Variants in FBXL18 observed in about 807,000 individuals in gnomAD.
FBXL18 encodes F-box/LRR-repeat protein 18.
FBXL18 carries 36 observed loss-of-function variants against 46.0 expected under a neutral mutation model. The observed-to-expected ratio is 0.78, with a 90% confidence interval of 0.60 to 1.03. The LOEUF (loss-of-function observed/expected upper bound fraction) is 1.03, where lower values mean the gene tolerates loss of function less well. FBXL18 is among the 50% of genes least tolerant of loss of function. FBXL18 has a pLI of 0.00. For missense variants in FBXL18, 977 were observed against 1,004.1 expected (o/e 0.97, Z 0.36); for synonymous variants, 557 against 465.3 (o/e 1.20, Z -2.54).
At chr7:5,489,409 C>A in intron 4 of FBXL18, 1 of 484,956 alleles carries the variant, frequency 2.1e-6, no homozygotes, top group Non-Finnish European at 4.1e-6. Context: ...CTGAGGTAAG[C>A]GGATCACCTG....
chr7:5,501,492 A>G lies in FBXL18; in HGVS notation c.777T>C (p.Pro259=). ...AGATGAGGAAGGCGTGGAGGTTCTG[A>G]GGAGTGCGGTCGCTAAGCACAGCCA... ...LYLAVLSDRT[P]QNLHAFLISV... Residue 259 remains proline (P), a synonymous_variant, in exon 3 of 5, where the codon CCT becomes CCC. Coordinates refer to ENST00000382368, the MANE Select transcript of FBXL18 (RefSeq NM_024963.6). 6.2e-7 allele frequency: 1 copy of G among 1,613,850 alleles called. No homozygotes were observed. Among genetic ancestry groups the G allele is most frequent in the East Asian group, 2.2e-5 (1 of 44,878 alleles).
At chr7:5,485,138 C>T (rs1783740963) in intron 4 of FBXL18, among the ~76,000 whole-genome samples, 1 of 152,166 alleles carries the variant, frequency 6.6e-6, no homozygotes, top group Admixed American at 6.6e-5. Flanking sequence ...CTCTTCCACA[C>T]ACCCTGAGGG....
chr7:5,499,704 C>A (rs1342268440), intron 3 of FBXL18, among the ~76,000 whole-genome samples: 1 of 147,360 alleles, frequency 6.8e-6, no homozygotes, highest in East Asian at 2.0e-4. Context: ...GCACTCCAGC[C>A]TGGGTGTGTA....
rs1378479488 is a variant in FBXL18, at chr7:5,502,018, T to A, written c.251A>T (p.Lys84Ile). 1 of 1,596,288 alleles carries A rather than the reference T, an allele frequency of 6.3e-7. No homozygotes were observed. The highest frequency in any genetic ancestry group is 8.5e-7 in the Non-Finnish European group (1 of 1,171,392). Residue 84 changes from lysine (K) to isoleucine (I), a missense_variant, in exon 3 of 5, where the codon AAA becomes ATA. Physicochemically the swap from Lys to Ile is moderately radical, Grantham distance 102. Coordinates refer to ENST00000382368, the MANE Select transcript of FBXL18 (RefSeq NM_024963.6). ...GATCTCCTTCACCAGCTGCCTCACT[T>A]TGTCCTCGCTCGCCTGCGGGACAGA... ...LQKDYQASED[K>I]VRQLVKEIGR...
intron 3 of FBXL18, among the ~76,000 whole-genome samples, chr7:5,494,830 G>A (rs1294243861): frequency 6.6e-6 from 1 of 152,196 alleles, no homozygotes; most frequent in Non-Finnish European, 1.5e-5. Context: ...GCCCCAGATC[G>A]CCCCGAGCCT....
rs1234900085 is a variant in FBXL18, at chr7:5,481,774, C to T, written c.*1G>A. Reference sequence around the variant, plus strand: ...AGACCGATGGGCGGCGGCTCCGCCTCTCACCACCACAGGTTCGGCGGTTCC... The same window carrying T: ...AGACCGATGGGCGGCGGCTCCGCCTTTCACCACCACAGGTTCGGCGGTTCC... On this transcript the variant is annotated 3_prime_UTR_variant, in exon 5 of 5. Coordinates refer to ENST00000382368, the MANE Select transcript of FBXL18 (RefSeq NM_024963.6). The T allele has an allele frequency of 1.2e-6, 2 of 1,613,264 alleles. No individual in the cohort carries two copies. Among genetic ancestry groups the T allele is most frequent in the East Asian group, 2.2e-5 (1 of 44,900 alleles).
At chr7:5,465,756 G>A (rs1783332292) in intron 4 of FBXL18, among the ~76,000 whole-genome samples, 1 of 152,086 alleles carries the variant, frequency 6.6e-6, no homozygotes, top group Non-Finnish European at 1.5e-5. Flanking sequence ...TGAGTTCACT[G>A]GAAGCCCAAA....
chr7:5,491,288 A>G lies in FBXL18; in HGVS notation c.1943T>C (p.Leu648Pro), dbSNP rs752911360. Residue 648 changes from leucine to proline, a missense_variant, in exon 4 of 5, where the codon CTG becomes CCG. Physicochemically the swap from Leu to Pro is moderately conservative, Grantham distance 98 (BLOSUM62 -3). Transcript: ENST00000382368. ...ARCLQVVMCH[L>P]FTGESLATCK... ...GGTGGCGAGGGACTCCCCGGTGAAC[A>G]GGTGGCACATGACAACCTGCAGGCA... is the stretch of plus-strand genomic sequence containing the variant. 6.2e-7 allele frequency: 1 copy of G among 1,613,172 alleles called. No individual in the cohort carries two copies.
At chr7:5,489,057 G>T (rs759316907) in intron 4 of FBXL18, 1 of 305,432 alleles carries the variant, frequency 3.3e-6, no homozygotes, top group African/African-American at 2.2e-5. Flanking sequence ...TGCCCCCCTG[G>T]TTCCACCGCA....
chr7:5,511,644 T>G (rs1584250167), intron 1 of FBXL18, among the ~76,000 whole-genome samples: 1 of 148,544 alleles, frequency 6.7e-6, no homozygotes. Flanking sequence ...GGTGGGCGCC[T>G]GTAGTCCCAG....
At position 5,513,684 on chromosome 7, in the gene FBXL18, G is replaced by A; in HGVS notation, c.-10C>T. 1 of 1,604,714 alleles carries A rather than the reference G, an allele frequency of 6.2e-7. No homozygotes were observed. The highest frequency in any genetic ancestry group is 8.5e-7 in the Non-Finnish European group (1 of 1,175,898). ...CTCCGGAGCTGGCCATGTCGCCGGC[G>A]GGTCCGAACCGCGGCCGCGGGATCC... On this transcript the variant is annotated 5_prime_UTR_variant, in exon 1 of 5. Coordinates refer to ENST00000382368, the MANE Select transcript of FBXL18 (RefSeq NM_024963.6).
chr7:5,495,524 G>A (rs1262582330), intron 3 of FBXL18, among the ~76,000 whole-genome samples: 3 of 152,276 alleles, frequency 2.0e-5, no homozygotes, highest in East Asian at 3.9e-4. Context: ...CAGCCAGAGC[G>A]ACTCCTTCCT....
chr7:5,495,077 G>T (rs182938959), intron 3 of FBXL18, among the ~76,000 whole-genome samples: 2 of 152,250 alleles, frequency 1.3e-5, no homozygotes, highest in East Asian at 3.9e-4. Flanking sequence ...GACCTGACTC[G>T]AGTGACCGGC....
chr7:5,501,686 C>A lies in FBXL18; in HGVS notation c.583G>T (p.Glu195Ter). ...YGVVPCCTSL[E>*]KLLLYFEILD... Reference sequence around the variant, plus strand: ...ATCTCGAAGTAGAGCAGCAGCTTCTCTAGGCTGGTGCAGCAGGGCACCACG... The same window carrying A: ...ATCTCGAAGTAGAGCAGCAGCTTCTATAGGCTGGTGCAGCAGGGCACCACG... Residue 195 changes from glutamate to a stop codon, truncating the protein, a stop_gained, in exon 3 of 5, where the codon GAG becomes TAG. Transcript: ENST00000382368. LOFTEE classifies it high-confidence loss of function. The A allele has an allele frequency of 6.2e-7, 1 of 1,605,928 alleles. No individual in the cohort carries two copies. The highest frequency in any genetic ancestry group is 1.1e-5 in the South Asian group (1 of 90,098).
intron 4 of FBXL18, among the ~76,000 whole-genome samples, chr7:5,467,520 T>C (rs909859886): frequency 6.7e-6 from 1 of 149,878 alleles, no homozygotes; most frequent in African/African-American, 2.5e-5. Flanking sequence ...CACCCCAGCC[T>C]GGGAGGCAGA....
chr7:5,465,819 ATTT>A (rs763542928), intron 4 of FBXL18, among the ~76,000 whole-genome samples: 1 of 142,212 alleles, frequency 7.0e-6, no homozygotes, highest in Non-Finnish European at 1.6e-5. Context: ...TACCTCCTAA[ATTT>A]TTTTTTTTTT....
intron 4 of FBXL18, among the ~76,000 whole-genome samples, chr7:5,486,795 G>C (rs979756841): frequency 6.6e-6 from 1 of 152,266 alleles, no homozygotes; most frequent in African/African-American, 2.4e-5. Flanking sequence ...CGACAGGTCA[G>C]CAGCCACGAC....
downstream of FBXL18, among the ~76,000 whole-genome samples, chr7:5,473,516 C>G (rs1381271707): frequency 6.6e-6 from 1 of 152,164 alleles, no homozygotes; most frequent in Non-Finnish European, 1.5e-5. Context: ...AATCCCAACA[C>G]TTTGGGAGGC....
At chr7:5,464,171 C>G (rs1297895617) in intron 4 of FBXL18, among the ~76,000 whole-genome samples, 4 of 152,106 alleles carry the variant, frequency 2.6e-5, no homozygotes, top group African/African-American at 9.7e-5. Context: ...TGGTGAAACC[C>G]TGTATCTACT....
Sources: gnomAD v4.1 joint callset for allele counts (sites outside exome capture counted in the v4.1 genomes callset) on GRCh38, gnomAD v4.1.1 for gene constraint, MANE v1.5 for transcripts, NCBI Gene and HGNC (gene_info 2026-07-23, HGNC 2026-07-21) for gene names.